NFYC: variants seen among roughly 807,000 people sequenced by gnomAD.
NFYC encodes nuclear transcription factor Y subunit gamma.
NFYC carries 25 observed loss-of-function variants against 53.1 expected under a neutral mutation model. The observed-to-expected ratio is 0.47, with a 90% CI of 0.34 to 0.66. NFYC has a LOEUF of 0.66. Among genes scored for constraint, NFYC ranks in the 30% least tolerant of loss-of-function variants. The probability of loss-of-function intolerance (pLI) is 0.01; values close to 1 mark genes in which losing one functional copy is unlikely to be tolerated. For synonymous variants in NFYC, 145 were observed against 152.6 expected, an observed-to-expected ratio of 0.95 and a Z score of 0.37; for missense variants, 260 against 422.7, an observed-to-expected ratio of 0.62 and a Z score of 3.38.
intron 4 of NFYC, among the ~76,000 whole-genome samples, chr1:40,752,408 A>C (rs1645966114): frequency 6.6e-6 from 1 of 152,170 alleles, no homozygotes; most frequent in African/African-American, 2.4e-5. Flanking sequence ...GTTGGGTTTT[A>C]GTAAAAATCT....
chr1:40,715,643 C>T (rs927121018), intron 1 of NFYC, among the ~76,000 whole-genome samples: 3 of 152,140 alleles, frequency 2.0e-5, no homozygotes, highest in Non-Finnish European at 2.9e-5. Context: ...CTTCTTGTCT[C>T]TCCCTTAGGG....
At chr1:40,728,863 C>G (rs543890853) in intron 1 of NFYC, among the ~76,000 whole-genome samples, 3 of 152,284 alleles carry the variant, frequency 2.0e-5, no homozygotes, top group Admixed American at 6.5e-5. Context: ...GTCTCGAACT[C>G]CTGACCTCAG....
At chr1:40,698,480 G>A (rs1319605631) in intron 1 of NFYC, among the ~76,000 whole-genome samples, 2 of 151,968 alleles carry the variant, frequency 1.3e-5, no homozygotes, top group East Asian at 3.9e-4. Flanking sequence ...AGGCTGGAGT[G>A]CAGTGACATG....
rs1647038808 is a variant in NFYC at position 40,770,557 on chromosome 1, C to A, written c.889-152C>A. 3 of 1,590,296 alleles carry A rather than the reference C, an allele frequency of 1.9e-6. No homozygotes were observed. The highest frequency in any genetic ancestry group is 2.3e-5 in the South Asian group (2 of 88,142). On this transcript the variant is annotated intron_variant, in intron 9 of 9. Transcript: ENST00000447388. This position sits in a 1 kb window ranked among gnomAD's most constrained non-coding sequence, Gnocchi z 5.3. Reference sequence around the variant, plus strand: ...GCCTCCTGTGTCTGCTGCTCCCAACCCCAGCAGAGCTCCACTTCCCCTCCT... The same window carrying A: ...GCCTCCTGTGTCTGCTGCTCCCAACACCAGCAGAGCTCCACTTCCCCTCCT...
At chr1:40,708,899 C>G (rs962135456) in intron 1 of NFYC, among the ~76,000 whole-genome samples, 1 of 152,134 alleles carries the variant, frequency 6.6e-6, no homozygotes, top group Non-Finnish European at 1.5e-5. Context: ...CATAGGATAC[C>G]GTAGCAGTAT....
intron 2 of NFYC, among the ~76,000 whole-genome samples, chr1:40,745,899 G>A (rs1418135669): frequency 6.6e-6 from 1 of 152,080 alleles, no homozygotes; most frequent in Admixed American, 6.5e-5. Context: ...AATAGTGATG[G>A]GGTCTCACTA....
intron 6 of NFYC, among the ~76,000 whole-genome samples, chr1:40,759,844 T>C (rs1646449260): frequency 6.6e-6 from 1 of 152,110 alleles, no homozygotes; most frequent in Non-Finnish European, 1.5e-5. Flanking sequence ...TAGGGGACCA[T>C]CTACGCAAGT....
chr1:40,756,544 T>C (rs1646232845), intron 5 of NFYC, among the ~76,000 whole-genome samples: 2 of 152,322 alleles, frequency 1.3e-5, no homozygotes, highest in Admixed American at 1.3e-4. Flanking sequence ...CTGGCAGTCC[T>C]AGTTTTAGTA....
chr1:40,701,362 A>G (rs1643425826), intron 1 of NFYC, among the ~76,000 whole-genome samples: 1 of 152,106 alleles, frequency 6.6e-6, no homozygotes. Flanking sequence ...TGGCCTCCCA[A>G]AGTGCTGGGA....
chr1:40,757,979 C>T, intron 5 of NFYC, 142 bp from the exon 6 acceptor site: 1 of 851,778 alleles, frequency 1.2e-6, no homozygotes. Flanking sequence ...TTGAATTCCA[C>T]TTTCCTTTGG....
intron 2 of NFYC, 40 bp downstream of exon 2, chr1:40,738,988 G>A: frequency 7.1e-7 from 1 of 1,400,156 alleles, no homozygotes; most frequent in Non-Finnish European, 1.0e-6. Context: ...AACTTTTAAA[G>A]AGTATAAAGA....
At chr1:40,767,156 CCT>C (rs1646855870) in intron 8 of NFYC, 1 of 607,550 alleles carries the variant, frequency 1.6e-6, no homozygotes, top group African/African-American at 1.8e-5. Context: ...CTTCTCCTCT[CCT>C]CTCGTGCCCT....
At chr1:40,759,177 T>TTACAGTG (rs1476351605) in intron 6 of NFYC, among the ~76,000 whole-genome samples, 1 of 148,336 alleles carries the variant, frequency 6.7e-6, no homozygotes, top group East Asian at 2.0e-4. Flanking sequence ...TACAGTGAGG[T>TTACAGTG]AGGATCATGC....
intron 2 of NFYC, among the ~76,000 whole-genome samples, chr1:40,740,360 G>A (rs952708762): frequency 1.3e-5 from 2 of 152,176 alleles, no homozygotes; most frequent in African/African-American, 2.4e-5. Context: ...CAGGATCATT[G>A]CGCTCATGGA....
At chr1:40,769,244 G>A in intron 8 of NFYC, 112 bp from the exon 9 acceptor site, 2 of 1,050,544 alleles carry the variant, frequency 1.9e-6, no homozygotes, top group Non-Finnish European at 3.0e-6. Flanking sequence ...GCACCTGCTG[G>A]GCACTTTATA....
intron 1 of NFYC, among the ~76,000 whole-genome samples, chr1:40,730,238 C>G (rs779361737): frequency 1.6e-5 from 2 of 124,346 alleles, no homozygotes; most frequent in African/African-American, 6.1e-5. Context: ...GGGGGTGTCT[C>G]TCTGTGTTGC....
rs146232406 is a variant in NFYC at position 40,753,164 on chromosome 1, C to T, written c.305C>T (p.Ala102Val). Residue 102 changes from alanine (A) to valine (V), a missense_variant, in exon 5 of 10, where the codon GCC (alanine) becomes GTC (valine). Transcript: ENST00000447388. The stretch of plus-strand genomic sequence containing the variant: ...TCTTTGTTACAGAGAAATGATATCG[C>T]CATGGCAATTACAAAATTTGATCAG... ...KRRTLQRNDI[A>V]MAITKFDQFD... The T allele has an allele frequency of 6.2e-7, 1 of 1,612,362 alleles. No homozygotes were observed. Among genetic ancestry groups the T allele is most frequent in the Non-Finnish European group, 8.5e-7 (1 of 1,178,682 alleles).
intron 4 of NFYC, among the ~76,000 whole-genome samples, chr1:40,750,689 T>A (rs1290649723): frequency 6.6e-6 from 1 of 152,162 alleles, no homozygotes; most frequent in Non-Finnish European, 1.5e-5. Context: ...TCCAGAGAGA[T>A]CCAGTTAAAG....
At chr1:40,700,496 C>T (rs986000403) in intron 1 of NFYC, among the ~76,000 whole-genome samples, 1 of 152,048 alleles carries the variant, frequency 6.6e-6, no homozygotes, top group African/African-American at 2.4e-5. Flanking sequence ...GATGTAGTAC[C>T]ATGCCTGCCC....
Sources: gnomAD v4.1 joint callset for allele counts (sites outside exome capture counted in the v4.1 genomes callset) on GRCh38, gnomAD v4.1.1 for gene constraint, Gnocchi (gnomAD v3.1) non-coding constraint, MANE v1.5 for transcripts, NCBI Gene and HGNC (gene_info 2026-07-23, HGNC 2026-07-21) for gene names.